MAP4K5: variants seen among roughly 807,000 people sequenced by gnomAD.
The protein encoded by MAP4K5 is mitogen-activated protein kinase kinase kinase kinase 5, also known as MAPK/ERK kinase kinase kinase 5.
A neutral mutation model predicts 135.6 loss-of-function variants in MAP4K5; 82 were observed. The observed-to-expected ratio is 0.60, with a 90% CI of 0.51 to 0.73. The LOEUF (loss-of-function observed/expected upper bound fraction) is 0.73, where lower values mean the gene tolerates loss of function less well. Ranked by LOEUF, MAP4K5 falls within the 30% of genes least tolerant of loss-of-function variation. The probability of loss-of-function intolerance (pLI) is 0.00; values close to 1 mark genes in which losing one functional copy is unlikely to be tolerated. For synonymous variants in MAP4K5, 347 were observed against 335.0 expected, an observed-to-expected ratio of 1.04 and a Z score of -0.39; for missense variants, 907 against 1,010.9, an observed-to-expected ratio of 0.90 and a Z score of 1.39.
At chr14:50,439,207 C>T (rs2036168001) in intron 23 of MAP4K5, among the ~76,000 whole-genome samples, 1 of 151,370 alleles carries the variant, frequency 6.6e-6, no homozygotes, top group Non-Finnish European at 1.5e-5. Context: ...CTTAAAAAAT[C>T]TCTACTAGAG....
chr14:50,469,650 A>G (rs1167766829), intron 9 of MAP4K5, among the ~76,000 whole-genome samples: 1 of 152,162 alleles, frequency 6.6e-6, no homozygotes, highest in Non-Finnish European at 1.5e-5. Flanking sequence ...TTAACTTAAG[A>G]TATAGATCTG....
rs771736738 is a variant in MAP4K5 at position 50,475,115 on chromosome 14, G to A, written c.504C>T (p.Thr168=). The change falls in exon 9 of 33, where the codon ACC becomes ACT. Residue 168 remains threonine (T), a synonymous_variant. Coordinates refer to ENST00000682126, the MANE Select transcript of MAP4K5 (RefSeq NM_006575.6). ...DFGVAAKITA[T]IAKRKSFIGT... is the part of the protein sequence containing the mutation. The stretch of plus-strand genomic sequence containing the variant: ...CAATGAAAGATTTTCGTTTTGCAAT[G>A]GTAGCTGTTATTTTTGCAGCCACAC... 1.2e-6 allele frequency: 2 copies of A among 1,613,770 alleles called. No individual in the cohort carries two copies. The highest frequency in any genetic ancestry group is 1.1e-5 in the South Asian group (1 of 91,068).
chr14:50,444,941 G>T (rs2036308886), intron 18 of MAP4K5, 100 bp downstream of exon 18: 4 of 1,270,590 alleles, frequency 3.1e-6, no homozygotes, highest in Non-Finnish European at 4.3e-6. Context: ...TTTGAAATAG[G>T]AACAAATGAC....
At chr14:50,470,056 C>T (rs375232446) in intron 9 of MAP4K5, among the ~76,000 whole-genome samples, 1 of 152,254 alleles carries the variant, frequency 6.6e-6, no homozygotes, top group African/African-American at 2.4e-5. Context: ...ACAATCACCA[C>T]GGAGCAAGAT....
intron 2 of MAP4K5, among the ~76,000 whole-genome samples, chr14:50,529,222 A>T (rs2038332936): frequency 6.6e-6 from 1 of 151,386 alleles, no homozygotes; most frequent in African/African-American, 2.4e-5. Context: ...CTCTCTACTA[A>T]AAAAAAATAC....
chr14:50,419,698 C>G lies in MAP4K5; in HGVS notation c.*321G>C, dbSNP rs1454841312. 4.3e-6 allele frequency: 1 copy of G among 231,224 alleles called. No homozygotes were observed. The highest frequency in any genetic ancestry group is 8.6e-6 in the Non-Finnish European group (1 of 116,688). 14.3% of individuals were successfully genotyped at this position (231,224 alleles called of 1,614,324 possible). A position where few individuals can be genotyped will look rare whatever the true frequency, so the allele number is the denominator to read the frequency against. ...AAATTTACCTCTCTTAAGATAATCA[C>G]GAGTTATCTAAAAATACCATGGCAC... On this transcript the variant is annotated 3_prime_UTR_variant, in exon 33 of 33. Transcript: ENST00000682126.
chr14:50,445,184 C>T lies in MAP4K5; in HGVS notation c.1196G>A (p.Ser399Asn). The T allele has an allele frequency of 6.2e-7, 1 of 1,613,030 alleles. No individual in the cohort carries two copies. Among genetic ancestry groups the T allele is most frequent in the East Asian group, 2.2e-5 (1 of 44,826 alleles). ...PPPLPPKPRI[S>N]SYPEDNFPDE... ...CGGAAAGTTGTCTTCAGGGTAACTG[C>T]TTATCCTTGGCTAGTGGTACAAAGA... The change falls in exon 18 of 33, where the codon AGC becomes AAC. Residue 399 changes from serine (S) to asparagine (N), a missense_variant. By Grantham distance (46) the Ser-to-Asn change is conservative. Coordinates refer to ENST00000682126, the MANE Select transcript of MAP4K5 (RefSeq NM_006575.6).
At position 50,445,067 on chromosome 14, in the gene MAP4K5, C is replaced by G; in HGVS notation, c.1313G>C (p.Gly438Ala). Residue 438 changes from glycine (G) to alanine (A), a missense_variant, in exon 18 of 33, where the codon GGG (glycine) becomes GCG (alanine). Coordinates refer to ENST00000682126, the MANE Select transcript of MAP4K5 (RefSeq NM_006575.6). ...ILRRQSSPSC[G>A]PVAETSSIGN... ...AATAGAAGAAGTCTCTGCCACAGGC[C>G]CACAACTTGGGCTACTCTGTCTTCT... 6.2e-7 allele frequency: 1 copy of G among 1,613,494 alleles called. No individual in the cohort carries two copies. The highest frequency in any genetic ancestry group is 1.1e-5 in the South Asian group (1 of 91,024).
At chr14:50,489,049 C>T (rs2037427609) in intron 3 of MAP4K5, among the ~76,000 whole-genome samples, 1 of 152,164 alleles carries the variant, frequency 6.6e-6, no homozygotes, top group African/African-American at 2.4e-5. Flanking sequence ...TGATTTTATT[C>T]TTTTAACTGG....
At chr14:50,528,735 A>G (rs1458850505) in intron 2 of MAP4K5, among the ~76,000 whole-genome samples, 1 of 152,166 alleles carries the variant, frequency 6.6e-6, no homozygotes, top group Non-Finnish European at 1.5e-5. Context: ...GGGGGATATT[A>G]TCTGAGTAGA....
chr14:50,501,103 AAAG>A (rs1481163494), intron 3 of MAP4K5, among the ~76,000 whole-genome samples: 1 of 152,124 alleles, frequency 6.6e-6, no homozygotes, highest in Non-Finnish European at 1.5e-5. Context: ...ATATTTCTTA[AAAG>A]AAGGTACACA....
upstream of MAP4K5, chr14:50,532,946 G>A (rs1595559474): frequency 6.6e-6 from 1 of 152,456 alleles, no homozygotes; most frequent in South Asian, 2.1e-4. Flanking sequence ...ACACGGAAAA[G>A]GTACGTTAAG....
chr14:50,518,090 A>C (rs1444356040), intron 2 of MAP4K5, among the ~76,000 whole-genome samples: 1 of 152,166 alleles, frequency 6.6e-6, no homozygotes, highest in Non-Finnish European at 1.5e-5. Flanking sequence ...GATCCATATA[A>C]GAAAGTTTTC....
chr14:50,560,946 G>C (rs2038836040), intron 1 of MAP4K5: 2 of 153,300 alleles, frequency 1.3e-5, no homozygotes, highest in South Asian at 4.1e-4. Context: ...GGGGAAGAAG[G>C]AGAGCAAAGT....
At position 50,546,835 on chromosome 14, in the gene MAP4K5, AG is replaced by A. The variant is rs1214453414; in HGVS notation, c.-179-4252del. Among the ~76,000 whole-genome samples, 5 of 2,266 alleles carry A rather than the reference AG, an allele frequency of 2.2e-3. No homozygotes were observed. The East Asian group carries it at 0.17, about 76-fold the overall frequency. 1.5% of individuals were successfully genotyped at this position (2,266 alleles called of 152,430 possible). A position where few individuals can be genotyped will look rare whatever the true frequency, so the allele number is the denominator to read the frequency against. The stretch of plus-strand genomic sequence containing the variant: ...TATCAGCAAAATGCCCATGTGTTTA[AG>A]GTTTTTTTTTAATTATTATACTTTA... On this transcript the variant is annotated intron_variant, in intron 1 of 8. Coordinates refer to the MAP4K5 transcript ENST00000555216.
intron 8 of MAP4K5, among the ~76,000 whole-genome samples, chr14:50,475,691 A>G (rs2037081246): frequency 6.6e-6 from 1 of 152,210 alleles, no homozygotes; most frequent in African/African-American, 2.4e-5. Flanking sequence ...TGAATGACAG[A>G]GTGAGACCAT....
chr14:50,443,134 G>A (rs1595441869), intron 20 of MAP4K5, among the ~76,000 whole-genome samples: 1 of 152,114 alleles, frequency 6.6e-6, no homozygotes, highest in Non-Finnish European at 1.5e-5. Context: ...GTGAAACAAT[G>A]GATAATTTTA....
intron 6 of MAP4K5, 83 bp from the exon 7 acceptor site, chr14:50,476,389 G>C (rs936488039): frequency 1.4e-5 from 9 of 629,810 alleles, no homozygotes; most frequent in Non-Finnish European, 2.3e-5. Flanking sequence ...AATTCTTATT[G>C]AATAAGAAAA....
chr14:50,500,103 T>A (rs1262503319), intron 3 of MAP4K5, among the ~76,000 whole-genome samples: 1 of 152,184 alleles, frequency 6.6e-6, no homozygotes, highest in Non-Finnish European at 1.5e-5. Context: ...TGTAATATTC[T>A]TTTATAGGAG....
Sources: gnomAD v4.1 joint callset for allele counts (sites outside exome capture counted in the v4.1 genomes callset) on GRCh38, gnomAD v4.1.1 for gene constraint, MANE v1.5 for transcripts, NCBI Gene and HGNC (gene_info 2026-07-23, HGNC 2026-07-21) for gene names.